The following HEATR6 variants were observed in gnomAD, a reference collection of about 807,000 sequenced individuals.
The protein encoded by HEATR6 is HEAT repeat containing 6.
HEATR6 carries 106 observed loss-of-function variants against 132.8 expected under a neutral mutation model. The observed-to-expected ratio is 0.80, with a 90% CI of 0.68 to 0.94. The LOEUF is 0.94. HEATR6 is among the 40% of genes least tolerant of loss of function. The probability of loss-of-function intolerance (pLI) is 0.00; values close to 1 mark genes in which losing one functional copy is unlikely to be tolerated. For missense variants in HEATR6, 1,339 were observed against 1,425.1 expected (o/e 0.94, Z 0.97); for synonymous variants, 529 against 537.8 (o/e 0.98, Z 0.23).
intron 9 of HEATR6, among the ~76,000 whole-genome samples, chr17:60,062,290 G>A (rs957745512): frequency 6.6e-6 from 1 of 152,150 alleles, no homozygotes; most frequent in Non-Finnish European, 1.5e-5. Context: ...CATAACAGGT[G>A]TAGCTCTTCA....
chr17:60,068,098 T>C (rs2083252241), intron 7 of HEATR6, among the ~76,000 whole-genome samples: 1 of 152,190 alleles, frequency 6.6e-6, no homozygotes, highest in Non-Finnish European at 1.5e-5. Flanking sequence ...GTTGTGAAAG[T>C]ATTCAGCCTT....
intron 1 of HEATR6, 37 bp downstream of exon 1, chr17:60,078,659 G>A: frequency 1.3e-6 from 2 of 1,492,586 alleles, no homozygotes; most frequent in Non-Finnish European, 1.8e-6. Context: ...CCGGAGGGGT[G>A]GGGCCGGGGC....
chr17:60,053,762 A>T (rs1431707446), intron 14 of HEATR6, among the ~76,000 whole-genome samples: 1 of 152,242 alleles, frequency 6.6e-6, no homozygotes, highest in Admixed American at 6.5e-5. Flanking sequence ...GACTTAGGGT[A>T]TCTGGTGAAA....
At chr17:60,063,134 G>T (rs1370517487) in intron 9 of HEATR6, 1 of 152,186 alleles carries the variant, frequency 6.6e-6, no homozygotes, top group African/African-American at 2.4e-5. Context: ...GCCTGTTCTT[G>T]GCTGGCCATA....
At chr17:60,051,000 G>A in intron 14 of HEATR6, 23 bp from the exon 15 acceptor site, 2 of 1,613,738 alleles carry the variant, frequency 1.2e-6, no homozygotes, top group Non-Finnish European at 1.7e-6. Flanking sequence ...CAAAGTAAAA[G>A]CTGCAGCCCA....
intron 16 of HEATR6, 139 bp downstream of exon 16, chr17:60,049,441 T>A: frequency 1.0e-6 from 1 of 976,568 alleles, no homozygotes; most frequent in Non-Finnish European, 1.5e-6. Context: ...ATGACCATAT[T>A]TTAGTAGCAA....
At position 60,045,971 on chromosome 17, in the gene HEATR6, T is replaced by C. The variant is rs868426797; in HGVS notation, c.2974+54A>G. 134 of 1,248,432 alleles carry C rather than the reference T, an allele frequency of 1.1e-4. 1 individual carries two copies. The highest frequency in any genetic ancestry group is 7.8e-4 in the African/African-American group (52 of 66,928). The allele number at this position is 1,248,432 out of a possible 1,614,324, so 77.3% of individuals were successfully genotyped here. A position where few individuals can be genotyped will look rare whatever the true frequency, so the allele number is the denominator to read the frequency against. On this transcript the variant is annotated intron_variant, in intron 19 of 19. Transcript: ENST00000184956. ...CAAACATCTTTAACAACAACGTAGA[T>C]TGGTGTGTGTCCCAAGAGGCTTTCC...
intron 13 of HEATR6, 73 bp downstream of exon 13, chr17:60,056,042 G>A (rs537435178): frequency 6.7e-7 from 1 of 1,488,066 alleles, no homozygotes. Context: ...GAAAAGGAAG[G>A]ATATAAAGTG....
chr17:60,052,694 C>T (rs764411374), intron 14 of HEATR6, among the ~76,000 whole-genome samples: 55 of 152,144 alleles, frequency 3.6e-4, no homozygotes, highest in Non-Finnish European at 6.2e-4. Context: ...GAGCAAAGAC[C>T]ACCAACACTG....
At position 60,056,157 on chromosome 17, in the gene HEATR6, G is replaced by A. The variant is rs1477635091; in HGVS notation, c.2160C>T (p.Cys720=). The change falls in exon 13 of 20, where the codon TGC becomes TGT. Residue 720 remains cysteine (C), a synonymous_variant. Coordinates refer to ENST00000184956, the MANE Select transcript of HEATR6 (RefSeq NM_022070.5). ...LMELGEVICK[C]MGEADPSIQL... The stretch of plus-strand genomic sequence containing the variant: ...GAATGGATGGATCTGCTTCCCCCAT[G>A]CACTTGCAAATCACCTCTCCAAGCT... 6.2e-7 allele frequency: 1 copy of A among 1,614,108 alleles called. No individual in the cohort carries two copies. The highest frequency in any genetic ancestry group is 1.6e-4 in the Middle Eastern group (1 of 6,062).
In HEATR6 at chr17:60,060,109, G is replaced by A. The variant is rs1906884454; in HGVS notation, c.1417-13C>T. ...CACAGGCACGTGTCTGAAATTTCGG[G>A]ATGATTCACATTGATTAGTTGAAAA... On this transcript the variant is annotated splice_polypyrimidine_tract_variant and intron_variant, in intron 9 of 19. Coordinates refer to ENST00000184956, the MANE Select transcript of HEATR6 (RefSeq NM_022070.5). 1 of 1,600,264 alleles carries A rather than the reference G, an allele frequency of 6.2e-7. No individual in the cohort carries two copies. The highest frequency in any genetic ancestry group is 1.7e-5 in the Admixed American group (1 of 59,930).
Position 60,044,046 on chromosome 17 carries a change from T to C in HEATR6, c.3063A>G (p.Ala1021=), listed in dbSNP as rs761843854. The change falls in exon 20 of 20, where the codon GCA becomes GCG. Residue 1021 remains alanine, a synonymous_variant. Coordinates refer to ENST00000184956, the MANE Select transcript of HEATR6 (RefSeq NM_022070.5). ...CKNFKVRIRS[A]AALSVPGKRE... ...TCTTCCCCGGGACGGAAAGGGCAGC[T>C]GCAGATCTGATGCGCACTTTGAAGT... 2.4e-5 allele frequency: 39 copies of C among 1,614,102 alleles called. No homozygotes were observed. The highest frequency in any genetic ancestry group is 3.0e-5 in the Non-Finnish European group (35 of 1,180,050).
intron 1 of HEATR6, among the ~76,000 whole-genome samples, chr17:60,077,497 C>T (rs1456158753): frequency 6.6e-6 from 1 of 152,224 alleles, no homozygotes; most frequent in Non-Finnish European, 1.5e-5. Context: ...ACTCTGCTTC[C>T]TAATGACATA....
At chr17:60,047,939 T>C (rs1906427463) in intron 17 of HEATR6, among the ~76,000 whole-genome samples, 1 of 152,202 alleles carries the variant, frequency 6.6e-6, no homozygotes, top group African/African-American at 2.4e-5. Context: ...GTGAATATAC[T>C]ACTTTAAGAA....
chr17:60,073,062 T>G, intron 4 of HEATR6, 102 bp downstream of exon 4: 1 of 638,102 alleles, frequency 1.6e-6, no homozygotes, highest in South Asian at 2.1e-5. Flanking sequence ...GTTAGTTATT[T>G]GTCTAAGTTG....
intron 11 of HEATR6, among the ~76,000 whole-genome samples, chr17:60,058,771 C>G (rs544431537): frequency 3.6e-4 from 55 of 152,290 alleles, no homozygotes; most frequent in African/African-American, 1.3e-3. Flanking sequence ...CACTATGTCA[C>G]AGAAAACATC....
intron 9 of HEATR6, among the ~76,000 whole-genome samples, chr17:60,065,517 C>T (rs943476706): frequency 2.6e-5 from 4 of 152,172 alleles, no homozygotes; most frequent in African/African-American, 7.2e-5. Flanking sequence ...AAACAGCAGG[C>T]TATTTTCCTT....
At chr17:60,062,083 T>C (rs995570546) in intron 9 of HEATR6, among the ~76,000 whole-genome samples, 3 of 152,378 alleles carry the variant, frequency 2.0e-5, no homozygotes, top group Non-Finnish European at 2.9e-5. Context: ...TTTGATACTA[T>C]ATCAAATTGT....
intron 18 of HEATR6, 80 bp from the exon 19 acceptor site, chr17:60,046,309 C>A: frequency 1.8e-6 from 2 of 1,108,590 alleles, no homozygotes; most frequent in Non-Finnish European, 2.6e-6. Context: ...TTTAAAAAAA[C>A]CCAGGAGGTC....
Sources: allele counts gnomAD v4.1 joint callset (sites outside exome capture counted in the v4.1 genomes callset), GRCh38; gene constraint gnomAD v4.1.1; transcripts MANE v1.5; gene names NCBI Gene and HGNC (gene_info 2026-07-23, HGNC 2026-07-21).